Variants in MCTP1 observed in about 807,000 individuals in gnomAD.
The protein encoded by MCTP1 is multiple C2 and transmembrane domain-containing protein 1.
Under a neutral mutation model 120.6 loss-of-function variants are expected in MCTP1, and 69 were observed. The observed-to-expected ratio is 0.57, with a 90% confidence interval of 0.47 to 0.70. The LOEUF (loss-of-function observed/expected upper bound fraction) is 0.70. MCTP1 is among the 30% of genes least tolerant of loss of function. MCTP1 has a pLI of 0.00. For missense variants in MCTP1, 1,203 were observed against 1,248.8 expected (o/e 0.96, Z 0.55); for synonymous variants, 529 against 493.1 (o/e 1.07, Z -0.96).
intron 1 of MCTP1, among the ~76,000 whole-genome samples, chr5:95,024,648 T>TATACAC (rs1554185298): frequency 6.8e-6 from 1 of 146,266 alleles, no homozygotes; most frequent in Non-Finnish European, 1.5e-5. Flanking sequence ...GGCATTCAAA[T>TATACAC]ACACACACAC....
chr5:94,803,269 C>T (rs1781570889), intron 17 of MCTP1, among the ~76,000 whole-genome samples: 2 of 152,176 alleles, frequency 1.3e-5, no homozygotes, highest in Non-Finnish European at 2.9e-5. Flanking sequence ...GTACACACAA[C>T]CCCTTTCATT....
chr5:95,212,852 C>T (rs1166734916), intron 1 of MCTP1, among the ~76,000 whole-genome samples: 35 of 151,982 alleles, frequency 2.3e-4, no homozygotes, highest in African/African-American at 5.8e-4. Context: ...TAGGTATTCA[C>T]GGGACGTATC....
At chr5:95,161,169 T>C (rs1745693686) in intron 1 of MCTP1, among the ~76,000 whole-genome samples, 1 of 152,132 alleles carries the variant, frequency 6.6e-6, no homozygotes, top group African/African-American at 2.4e-5. Context: ...TTCTTCACAA[T>C]AGCTAAGATA....
rs568461238 is a variant in MCTP1 at position 95,058,004 on chromosome 5, A to G, written c.721-40520T>C. On this transcript the variant is annotated intron_variant, in intron 1 of 22. Transcript: ENST00000515393. ...CATTAATTGGGCCTATTTTAATTAA[A>G]TTACAACAACAACAACAACAAAAAA... is the stretch of plus-strand genomic sequence containing the variant. 3.7e-4 allele frequency among the ~76,000 whole-genome samples: 56 copies of G among 151,940 alleles called. 1 individual carries two copies. The highest frequency in any genetic ancestry group is 6.3e-4 in the Non-Finnish European group (43 of 67,962).
chr5:95,132,144 G>A (rs760015748), intron 1 of MCTP1, among the ~76,000 whole-genome samples: 45 of 152,184 alleles, frequency 3.0e-4, no homozygotes, highest in Non-Finnish European at 5.9e-4. Context: ...TGACAATTCC[G>A]TAGAGAATTA....
chr5:94,996,596 A>C (rs1832663906), intron 2 of MCTP1, among the ~76,000 whole-genome samples: 1 of 152,300 alleles, frequency 6.6e-6, no homozygotes, highest in East Asian at 1.9e-4. Flanking sequence ...AATACAATGT[A>C]AATGCTAAGT....
rs369130479 is a variant in MCTP1, at chr5:94,972,935, CA to C, written c.839-19575del. ...TGAAAGGCAAAGTCCACTAAATGAA[CA>C]AAAAAAAAACCACTGGGTTGAGGAG... is the stretch of plus-strand genomic sequence containing the variant. On this transcript the variant is annotated intron_variant, in intron 2 of 22. Coordinates refer to ENST00000515393, the MANE Select transcript of MCTP1 (RefSeq NM_024717.7). 5.5e-3 allele frequency among the ~76,000 whole-genome samples: 784 copies of C among 141,760 alleles called. 3 individuals carry two copies. Among genetic ancestry groups the C allele is most frequent in the Middle Eastern group, 0.01 (3 of 288 alleles). The allele number at this position is 141,760 out of a possible 152,430, so 93.0% of individuals were successfully genotyped here. A position where few individuals can be genotyped will look rare whatever the true frequency, so the allele number is the denominator to read the frequency against.
At chr5:95,202,302 GTTC>G (rs1751155348) in intron 1 of MCTP1, among the ~76,000 whole-genome samples, 1 of 152,140 alleles carries the variant, frequency 6.6e-6, no homozygotes, top group South Asian at 2.1e-4. Flanking sequence ...TGCCCCTTAG[GTTC>G]TCAGGCTTTT....
intron 2 of MCTP1, among the ~76,000 whole-genome samples, chr5:95,008,223 A>G (rs892412859): frequency 1.3e-5 from 2 of 152,148 alleles, no homozygotes; most frequent in Non-Finnish European, 2.9e-5. Context: ...CAATGACCAG[A>G]AGAAGCCATA....
chr5:95,216,891 C>A (rs369298570), intron 1 of MCTP1, among the ~76,000 whole-genome samples: 1 of 152,142 alleles, frequency 6.6e-6, no homozygotes, highest in East Asian at 1.9e-4. Flanking sequence ...TACAAGAGAG[C>A]AGCCAGTATC....
intron 19 of MCTP1, among the ~76,000 whole-genome samples, chr5:94,761,962 T>G (rs1771458476): frequency 6.6e-6 from 1 of 152,220 alleles, no homozygotes; most frequent in Non-Finnish European, 1.5e-5. Flanking sequence ...CAGCAACAAC[T>G]GCCAGACCAA....
chr5:94,797,882 A>G (rs1780417130), intron 18 of MCTP1, among the ~76,000 whole-genome samples: 1 of 152,124 alleles, frequency 6.6e-6, no homozygotes, highest in African/African-American at 2.4e-5. Context: ...TTACATGGCT[A>G]TTTGAAGTGT....
At chr5:95,158,689 G>C (rs1360091294) in intron 1 of MCTP1, among the ~76,000 whole-genome samples, 2 of 152,084 alleles carry the variant, frequency 1.3e-5, no homozygotes, top group South Asian at 4.2e-4. Flanking sequence ...ACTTTGGGAG[G>C]CCAAGGCAGG....
chr5:95,102,647 G>T (rs1332610300), intron 1 of MCTP1, among the ~76,000 whole-genome samples: 1 of 152,222 alleles, frequency 6.6e-6, no homozygotes. Context: ...GGGACTAGCA[G>T]AAGAGACAAT....
At chr5:94,765,954 C>T (rs1772583743) in intron 19 of MCTP1, among the ~76,000 whole-genome samples, 2 of 151,828 alleles carry the variant, frequency 1.3e-5, no homozygotes, top group Admixed American at 1.3e-4. Flanking sequence ...AATTAGAAAA[C>T]CTAGAAGAGG....
chr5:95,060,616 G>A (rs1748710066), intron 1 of MCTP1, among the ~76,000 whole-genome samples: 1 of 152,134 alleles, frequency 6.6e-6, no homozygotes, highest in Admixed American at 6.5e-5. Context: ...GCTAGTTTAT[G>A]AGTCTATCTA....
chr5:94,979,665 C>G (rs896287304), intron 2 of MCTP1: 3 of 152,022 alleles, frequency 2.0e-5, no homozygotes, highest in Admixed American at 6.6e-5. Flanking sequence ...GGGATTCTTA[C>G]TCTACTCTGT....
intron 10 of MCTP1, among the ~76,000 whole-genome samples, chr5:94,907,828 T>C (rs955151483): frequency 2.0e-5 from 3 of 151,938 alleles, no homozygotes; most frequent in Non-Finnish European, 2.9e-5. Context: ...AGGAATGTAA[T>C]GTATACCTAG....
intron 1 of MCTP1, among the ~76,000 whole-genome samples, chr5:95,025,348 A>G (rs1003464672): frequency 3.3e-5 from 5 of 152,202 alleles, no homozygotes; most frequent in Admixed American, 6.5e-5. Context: ...ATGGAGTTGG[A>G]AAAACTATAT....
Sources: allele counts gnomAD v4.1 joint callset (sites outside exome capture counted in the v4.1 genomes callset), GRCh38; gene constraint gnomAD v4.1.1; transcripts MANE v1.5; gene names NCBI Gene and HGNC (gene_info 2026-07-23, HGNC 2026-07-21).